NCALD: variants seen among roughly 807,000 people sequenced by gnomAD.
NCALD encodes neurocalcin-delta.
A neutral mutation model predicts 18.6 loss-of-function variants in NCALD; 10 were observed. The observed-to-expected ratio is 0.54, with a 90% CI of 0.33 to 0.91. The LOEUF is 0.91. Among genes scored for constraint, NCALD ranks in the 40% least tolerant of loss-of-function variants. The pLI, the probability that NCALD is intolerant of heterozygous loss-of-function variation, is 0.03. For missense variants in NCALD, 184 were observed against 247.6 expected (o/e 0.74, Z 1.72); for synonymous variants, 88 against 87.4 (o/e 1.01, Z -0.04).
Position 101,689,393 on chromosome 8 carries a change from C to A in NCALD, c.498G>T (p.Leu166=). Residue 166 remains leucine (L), a synonymous_variant, in exon 4 of 4, where the codon CTG becomes CTT. Transcript: ENST00000220931. The surrounding 1 kb of genome is among the most constrained non-coding windows in gnomAD (Gnocchi z 4.4). ...MDTNRDGKLS[L]EEFIRGAKSD... Reference sequence around the variant, plus strand: ...TTTTGGCTCCTCGGATGAACTCTTCCAGGGAGAGTTTTCCTAGGAAGCAAG... The same window carrying A: ...TTTTGGCTCCTCGGATGAACTCTTCAAGGGAGAGTTTTCCTAGGAAGCAAG... 5.6e-6 allele frequency: 9 copies of A among 1,607,572 alleles called. No individual in the cohort carries two copies. Among genetic ancestry groups the A allele is most frequent in the Non-Finnish European group, 6.8e-6 (8 of 1,177,084 alleles).
intron 1 of NCALD, among the ~76,000 whole-genome samples, chr8:101,789,812 G>A (rs73699960): frequency 0.026 from 3,987 of 152,110 alleles, 81 homozygotes; most frequent in African/African-American, 0.066. Context: ...TAAATTAGAA[G>A]CTCCAAAACA....
chr8:102,109,300 G>GT (rs562357762), intron 1 of NCALD, among the ~76,000 whole-genome samples: 167 of 146,810 alleles, frequency 1.1e-3, no homozygotes, highest in African/African-American at 1.5e-3. Context: ...GAAATGAAAG[G>GT]TTTTTTTTTT....
intron 4 of NCALD, chr8:101,887,029 T>C (rs1336517501): frequency 2.0e-5 from 3 of 152,214 alleles, no homozygotes; most frequent in South Asian, 4.1e-4. Context: ...ATTTTTCTAC[T>C]TAGCAAATAC....
At chr8:102,074,227 G>A (rs1306435941) in intron 1 of NCALD, among the ~76,000 whole-genome samples, 1 of 152,172 alleles carries the variant, frequency 6.6e-6, no homozygotes, top group East Asian at 1.9e-4. Context: ...CCAATCATCA[G>A]ATGTGGTACA....
At chr8:101,898,459 G>C (rs754655610) in intron 3 of NCALD, among the ~76,000 whole-genome samples, 9 of 151,952 alleles carry the variant, frequency 5.9e-5, no homozygotes, top group Non-Finnish European at 1.2e-4. Context: ...CTAGTCTATA[G>C]CTTCTTTTCA....
At chr8:101,948,850 T>C (rs868622286) in intron 2 of NCALD, among the ~76,000 whole-genome samples, 19 of 152,158 alleles carry the variant, frequency 1.2e-4, no homozygotes, top group African/African-American at 4.6e-4. Context: ...CTTAGCTTCC[T>C]GGGCCTCAGT....
chr8:101,732,434 T>G (rs914738269), intron 1 of NCALD, among the ~76,000 whole-genome samples: 3 of 152,082 alleles, frequency 2.0e-5, no homozygotes, highest in African/African-American at 7.2e-5. Flanking sequence ...TAAGAATAGT[T>G]CATAATTTTT....
At chr8:101,934,271 C>T (rs1353641553) in intron 2 of NCALD, among the ~76,000 whole-genome samples, 1 of 152,126 alleles carries the variant, frequency 6.6e-6, no homozygotes, top group East Asian at 1.9e-4. Context: ...ACAGTCCAAC[C>T]TAAGGACTGA....
At chr8:101,880,016 C>A (rs1043547701) in intron 4 of NCALD, among the ~76,000 whole-genome samples, 4 of 140,120 alleles carry the variant, frequency 2.9e-5, no homozygotes, top group African/African-American at 7.8e-5. Context: ...TGGGACTGGG[C>A]GCCGTGGAGC....
chr8:101,690,920 G>A (rs965490790), intron 3 of NCALD: 5 of 985,434 alleles, frequency 5.1e-6, no homozygotes, highest in Non-Finnish European at 6.0e-6. Context: ...GGGCAGACCT[G>A]GAGCTCGGCA....
chr8:101,854,041 G>A (rs575328558), intron 4 of NCALD, among the ~76,000 whole-genome samples: 21 of 152,320 alleles, frequency 1.4e-4, no homozygotes, highest in African/African-American at 4.6e-4. Flanking sequence ...TATAACATCC[G>A]CTTTGGCCCA....
intron 2 of NCALD, among the ~76,000 whole-genome samples, chr8:101,936,467 G>A (rs577191637): frequency 2.0e-5 from 3 of 152,076 alleles, no homozygotes; most frequent in African/African-American, 4.8e-5. Flanking sequence ...GGTCCTAGAA[G>A]GCAAAAAATG....
intron 2 of NCALD, among the ~76,000 whole-genome samples, chr8:102,010,666 G>A (rs1345015031): frequency 6.6e-6 from 1 of 152,176 alleles, no homozygotes; most frequent in Non-Finnish European, 1.5e-5. Context: ...TCGGCCTGTG[G>A]GAAAGAACAG....
chr8:101,730,094 TC>T (rs1816749436), intron 1 of NCALD, among the ~76,000 whole-genome samples: 1 of 152,128 alleles, frequency 6.6e-6, no homozygotes, highest in South Asian at 2.1e-4. Flanking sequence ...ATCATACGTA[TC>T]CCCTTAGACA....
chr8:101,730,463 G>A (rs1816771787), intron 1 of NCALD, among the ~76,000 whole-genome samples: 1 of 115,432 alleles, frequency 8.7e-6, no homozygotes, highest in East Asian at 2.9e-4. Flanking sequence ...CTGGGCAACA[G>A]AGCGAGACTC....
chr8:101,939,522 T>C (rs975214911), intron 2 of NCALD, among the ~76,000 whole-genome samples: 2 of 152,222 alleles, frequency 1.3e-5, no homozygotes, highest in African/African-American at 4.8e-5. Flanking sequence ...TTGGAGTTTC[T>C]AAAAGCTTTA....
chr8:101,842,639 T>G (rs1207556865), intron 4 of NCALD, among the ~76,000 whole-genome samples: 1 of 152,240 alleles, frequency 6.6e-6, no homozygotes, highest in African/African-American at 2.4e-5. Flanking sequence ...GCTGTGCCAG[T>G]GATCTTCCTC....
chr8:101,747,554 T>C (rs1810477693), intron 1 of NCALD, among the ~76,000 whole-genome samples: 1 of 151,988 alleles, frequency 6.6e-6, no homozygotes. Context: ...AGAGAATAAA[T>C]TTTCTCTGTG....
chr8:102,022,309 G>C (rs770471074), intron 1 of NCALD, among the ~76,000 whole-genome samples: 29 of 152,322 alleles, frequency 1.9e-4, no homozygotes, highest in Non-Finnish European at 3.7e-4. Context: ...AGTATTCTAT[G>C]ATCATTTCAG....
Sources: allele counts gnomAD v4.1 joint callset (sites outside exome capture counted in the v4.1 genomes callset), GRCh38; gene constraint gnomAD v4.1.1; non-coding constraint Gnocchi (gnomAD v3.1); transcripts MANE v1.5; gene names NCBI Gene and HGNC (gene_info 2026-07-23, HGNC 2026-07-21).